Variants in CAPZA2 observed in about 807,000 individuals in gnomAD.
CAPZA2 encodes the protein F-actin-capping protein subunit alpha-2.
Under a neutral mutation model 44.0 loss-of-function variants are expected in CAPZA2, and 13 were observed. That is an observed-to-expected ratio of 0.30 (90% confidence interval 0.19 to 0.47). CAPZA2 has a LOEUF of 0.47. Among genes scored for constraint, CAPZA2 ranks in the 20% least tolerant of loss-of-function variants. CAPZA2 has a pLI of 1.00. For synonymous variants in CAPZA2, 94 were observed against 108.2 expected, an observed-to-expected ratio of 0.87 and a Z score of 0.81; for missense variants, 244 against 338.6, an observed-to-expected ratio of 0.72 and a Z score of 2.19.
chr7:116,877,062 A>G (rs1435632529), intron 1 of CAPZA2, among the ~76,000 whole-genome samples: 1 of 152,196 alleles, frequency 6.6e-6, no homozygotes, highest in Non-Finnish European at 1.5e-5. Flanking sequence ...TTGTTTGGCT[A>G]GGGGACCTTA....
chr7:116,898,266 T>C (rs1796952226), intron 3 of CAPZA2, among the ~76,000 whole-genome samples: 1 of 127,716 alleles, frequency 7.8e-6, no homozygotes, highest in Non-Finnish European at 1.5e-5. Flanking sequence ...GAATGTAATC[T>C]TTTTTTTTTT....
chr7:116,914,320 C>T (rs751990117), intron 8 of CAPZA2, among the ~76,000 whole-genome samples: 4 of 151,938 alleles, frequency 2.6e-5, no homozygotes, highest in East Asian at 1.9e-4. Flanking sequence ...TGAGCCACTG[C>T]GCCCGGCCAG....
At chr7:116,877,067 A>G (rs1409505049) in intron 1 of CAPZA2, among the ~76,000 whole-genome samples, 24 of 152,250 alleles carry the variant, frequency 1.6e-4, no homozygotes, top group Non-Finnish European at 1.3e-4. Context: ...TGGCTAGGGG[A>G]CCTTATCTGT....
intron 2 of CAPZA2, among the ~76,000 whole-genome samples, chr7:116,891,586 A>C (rs1487869180): frequency 6.6e-6 from 1 of 152,128 alleles, no homozygotes; most frequent in Non-Finnish European, 1.5e-5. Context: ...ATCTCGGCTC[A>C]CTGCAAGCTC....
chr7:116,904,419 G>T lies in CAPZA2; in HGVS notation c.426+36G>T, dbSNP rs749495792. ...AGTAGCAGCTTTGTGTGTGTGTTTTGTGTAAATGTGAGTCTTTAGCGTCTC... is the reference window on the plus strand; with the variant it reads ...AGTAGCAGCTTTGTGTGTGTGTTTTTTGTAAATGTGAGTCTTTAGCGTCTC... On this transcript the variant is annotated intron_variant, in intron 5 of 9. Transcript: ENST00000361183. The T allele has an allele frequency of 2.4e-6, 3 of 1,273,682 alleles. No homozygotes were observed. The South Asian group carries it at 3.6e-5, about 15-fold the overall frequency. The allele number at this position is 1,273,682 out of a possible 1,614,324, so 78.9% of individuals were successfully genotyped here. A position where few individuals can be genotyped will look rare whatever the true frequency, so the allele number is the denominator to read the frequency against.
chr7:116,880,658 AAGTGCTGGGATTAT>A (rs1796682562), intron 1 of CAPZA2, among the ~76,000 whole-genome samples: 1 of 134,902 alleles, frequency 7.4e-6, no homozygotes, highest in African/African-American at 2.8e-5. Context: ...CGGCCTCCCA[AAGTGCTGGGATTAT>A]AGGCATGAGC....
chr7:116,888,195 G>A lies in CAPZA2; in HGVS notation c.103+5G>A. On this transcript the variant is annotated splice_donor_5th_base_variant and intron_variant, in intron 2 of 9. Coordinates refer to ENST00000361183, the MANE Select transcript of CAPZA2 (RefSeq NM_006136.3). ...AATTTAATGAGGTTTTCAATGGTGA[G>A]TGTTTGATTTATAACACTAGGCTTG... 1 of 1,598,950 alleles carries A rather than the reference G, an allele frequency of 6.3e-7. No individual in the cohort carries two copies. Among genetic ancestry groups the A allele is most frequent in the Non-Finnish European group, 8.6e-7 (1 of 1,168,356 alleles).
intron 4 of CAPZA2, among the ~76,000 whole-genome samples, chr7:116,899,578 G>A (rs1433797117): frequency 6.6e-6 from 1 of 151,226 alleles, no homozygotes; most frequent in Non-Finnish European, 1.5e-5. Flanking sequence ...CTTATTTATA[G>A]ATATGTGTGT....
intron 7 of CAPZA2, among the ~76,000 whole-genome samples, chr7:116,910,733 C>G (rs1041908199): frequency 4.6e-5 from 7 of 152,150 alleles, no homozygotes; most frequent in Non-Finnish European, 1.0e-4. Flanking sequence ...TGGCTGGGCG[C>G]GGTGGCTCAC....
chr7:116,901,881 A>ATATGTGTGTGTGTGTGTGTGTGTG (rs375500363), intron 4 of CAPZA2, among the ~76,000 whole-genome samples: 4 of 140,898 alleles, frequency 2.8e-5, no homozygotes, highest in East Asian at 2.0e-4. Context: ...TAACGAAGAA[A>ATATGTGTGTGTGTGTGTGTGTGTG]TGTGTGTGTG....
At chr7:116,865,606 C>G (rs1011378471) in intron 1 of CAPZA2, among the ~76,000 whole-genome samples, 17 of 151,916 alleles carry the variant, frequency 1.1e-4, no homozygotes, top group Admixed American at 6.6e-4. Flanking sequence ...TAGACAGGGT[C>G]TCACTCTGTC....
At chr7:116,863,522 A>G (rs533433232) in intron 1 of CAPZA2, among the ~76,000 whole-genome samples, 1 of 152,358 alleles carries the variant, frequency 6.6e-6, no homozygotes, top group African/African-American at 2.4e-5. Context: ...CAGATATTTA[A>G]AACGAGTAAT....
At chr7:116,914,025 ATTT>A (rs71148344) in intron 8 of CAPZA2, among the ~76,000 whole-genome samples, 7 of 131,938 alleles carry the variant, frequency 5.3e-5, no homozygotes, top group Admixed American at 1.6e-4. Context: ...ATTAAAGAAA[ATTT>A]TTTTTTTTTT....
chr7:116,895,892 C>A (rs1205949181), intron 3 of CAPZA2, among the ~76,000 whole-genome samples: 1 of 151,954 alleles, frequency 6.6e-6, no homozygotes, highest in Non-Finnish European at 1.5e-5. Context: ...GTTCTTCATC[C>A]CACTTAGTTC....
chr7:116,898,648 A>G (rs1180065512), intron 3 of CAPZA2, 124 bp from the exon 4 acceptor site: 6 of 521,236 alleles, frequency 1.2e-5, no homozygotes, highest in Non-Finnish European at 2.0e-5. Context: ...GAGAATTACA[A>G]TTTTATTTAT....
At chr7:116,887,204 CTTTAG>C (rs1214961621) in intron 1 of CAPZA2, among the ~76,000 whole-genome samples, 1 of 151,418 alleles carries the variant, frequency 6.6e-6, no homozygotes, top group Non-Finnish European at 1.5e-5. Flanking sequence ...TTTTTTTTCA[CTTTAG>C]TTTAGAAGAA....
In CAPZA2 at chr7:116,910,213, C is replaced by T. The variant is rs1426947930; in HGVS notation, c.507-20C>T. 1 of 1,338,880 alleles carries T rather than the reference C, an allele frequency of 7.5e-7. No individual in the cohort carries two copies. Among genetic ancestry groups the T allele is most frequent in the Non-Finnish European group, 1.1e-6 (1 of 929,068 alleles). 82.9% of individuals were successfully genotyped at this position (1,338,880 alleles called of 1,614,324 possible). On this transcript the variant is annotated intron_variant, in intron 6 of 9. Coordinates refer to ENST00000361183, the MANE Select transcript of CAPZA2 (RefSeq NM_006136.3). ...ATTATTTTCCCTACCTTATTTACAGCTGCTGTTTTTATTTTTAAGGAATGG... is the reference window on the plus strand; with the variant it reads ...ATTATTTTCCCTACCTTATTTACAGTTGCTGTTTTTATTTTTAAGGAATGG...
chr7:116,887,823 A>G (rs1406829804), intron 1 of CAPZA2, among the ~76,000 whole-genome samples: 1 of 152,254 alleles, frequency 6.6e-6, no homozygotes, highest in Non-Finnish European at 1.5e-5. Flanking sequence ...ACAGAGTGAG[A>G]CTCCATCTCA....
rs71148338 is a variant in CAPZA2, at chr7:116,881,738, CAAAAAAAAA to C, written c.40-6372_40-6364del. On this transcript the variant is annotated intron_variant, in intron 1 of 9. Transcript: ENST00000361183. The stretch of plus-strand genomic sequence containing the variant: ...TGGGCAGCAGAGTGAGACTCTGTCT[CAAAAAAAAA>C]AAAAAAAAAAAAAAAATTACATCAC... Among the ~76,000 whole-genome samples the C allele has an allele frequency of 1.0e-4, 5 of 47,784 alleles. No homozygotes were observed. The East Asian group carries it at 1.9e-3, about 19-fold the overall frequency. 31.3% of individuals were successfully genotyped at this position (47,784 alleles called of 152,430 possible).
Sources: allele counts gnomAD v4.1 joint callset (sites outside exome capture counted in the v4.1 genomes callset), GRCh38; gene constraint gnomAD v4.1.1; transcripts MANE v1.5; gene names NCBI Gene and HGNC (gene_info 2026-07-23, HGNC 2026-07-21).